Variants in WDR44 observed in about 807,000 individuals in gnomAD.
WDR44 encodes the protein WD repeat domain 44, also known as WD repeat-containing protein 44.
Under a neutral mutation model 65.7 loss-of-function variants are expected in WDR44, and 9 were observed. That is an observed-to-expected ratio of 0.14 (90% CI 0.08 to 0.24). The LOEUF is 0.24. Ranked by LOEUF, WDR44 falls within the 10% of genes least tolerant of loss-of-function variation. The pLI is 1.00. For synonymous variants in WDR44, 220 were observed against 235.2 expected, an observed-to-expected ratio of 0.94 and a Z score of 0.59; for missense variants, 425 against 670.9, an observed-to-expected ratio of 0.63 and a Z score of 4.05.
chrX:118,410,833 T>C, intron 11 of WDR44, 62 bp from the exon 12 acceptor site: 1 of 912,724 alleles, frequency 1.1e-6, no homozygotes, highest in Non-Finnish European at 1.6e-6. Context: ...CTGGATGTTA[T>C]ATTTTGGTGG....
intron 12 of WDR44, 114 bp downstream of exon 12, chrX:118,411,073 TA>T: frequency 1.7e-6 from 1 of 598,422 alleles, no homozygotes; most frequent in Non-Finnish European, 2.5e-6. Context: ...AATATAAAAT[TA>T]AGATGTATCA....
At chrX:118,428,421 C>T (rs377696772) in intron 12 of WDR44, among the ~76,000 whole-genome samples, 15 of 110,942 alleles carry the variant, frequency 1.4e-4, no homozygotes, top group Non-Finnish European at 1.7e-4. Context: ...ATTACAGGGA[C>T]GAACTACCGT....
chrX:118,429,015 A>G (rs1467071652), intron 12 of WDR44, among the ~76,000 whole-genome samples: 1 of 110,529 alleles, frequency 9.0e-6, no homozygotes, highest in Admixed American at 9.7e-5. Flanking sequence ...GAACACATGG[A>G]CACAGGGAGG....
chrX:118,412,552 T>G (rs749493402), intron 12 of WDR44, among the ~76,000 whole-genome samples: 1 of 111,180 alleles, frequency 9.0e-6, no homozygotes, highest in Non-Finnish European at 1.9e-5. Flanking sequence ...AGCTAGAAAC[T>G]GTAAAGATAA....
chrX:118,439,613 T>C (rs1238055110), intron 14 of WDR44, among the ~76,000 whole-genome samples: 2 of 110,879 alleles, frequency 1.8e-5, no homozygotes, highest in African/African-American at 6.6e-5. Flanking sequence ...TACACATACA[T>C]AGATGTATGT....
chrX:118,383,720 C>CTTT (rs531607075), intron 2 of WDR44, among the ~76,000 whole-genome samples: 14 of 84,470 alleles, frequency 1.7e-4, no homozygotes, highest in East Asian at 7.4e-4. Context: ...TCCAAGTATT[C>CTTT]TTTTTTTTTT....
chrX:118,396,957 T>C lies in WDR44; in HGVS notation c.1054-13T>C, dbSNP rs201745341. 4.0e-4 allele frequency: 460 copies of C among 1,158,318 alleles called. 1 individual carries two copies. The highest frequency in any genetic ancestry group is 5.0e-4 in the Non-Finnish European group (438 of 876,172). ...GTCATCTTGGTGTGATTGTTTTTTT[T>C]TTTTAACCTCAGGAAATTTTAGCCA... On this transcript the variant is annotated splice_polypyrimidine_tract_variant and intron_variant, in intron 6 of 19. Transcript: ENST00000254029.
intron 12 of WDR44, among the ~76,000 whole-genome samples, chrX:118,427,650 C>T (rs1252544537): frequency 1.9e-5 from 2 of 108,067 alleles, no homozygotes; most frequent in African/African-American, 3.4e-5. Context: ...TACATCCTCT[C>T]CACCATGAAG....
chrX:118,355,983 T>A (rs2056455014), intron 1 of WDR44, among the ~76,000 whole-genome samples: 1 of 112,089 alleles, frequency 8.9e-6, no homozygotes, highest in Admixed American at 9.5e-5. Context: ...TTATCCTGCA[T>A]TCCTATCAGT....
chrX:118,391,773 C>T (rs763163037), intron 3 of WDR44, among the ~76,000 whole-genome samples: 5 of 111,632 alleles, frequency 4.5e-5, no homozygotes, highest in African/African-American at 1.3e-4. Context: ...CACATGAGGT[C>T]GGGAGTTAAA....
At position 118,393,070 on chromosome X, in the gene WDR44, G is replaced by A. The variant is rs894626185; in HGVS notation, c.625G>A (p.Val209Met). The change falls in exon 4 of 20, where the codon GTG becomes ATG. Residue 209 changes from valine to methionine, a missense_variant. Physicochemically the swap from Val to Met is conservative, Grantham distance 21. Around this residue, in one of 5 missense-constraint regions of WDR44, gnomAD observed 193 missense variants for 209.0 expected, o/e 0.92. Transcript: ENST00000254029. ...TAAAGATTTTGCCGCTGTGGAAGAA[G>A]TGGCCCCTGCCAAACCCCCAAGACA... is the stretch of plus-strand genomic sequence containing the variant. The part of the protein sequence containing the change: ...STKDFAAVEE[V>M]APAKPPRHLT... 1 of 1,210,349 alleles carries A rather than the reference G, an allele frequency of 8.3e-7. No homozygotes were observed. Among genetic ancestry groups the A allele is most frequent in the African/African-American group, 1.7e-5 (1 of 57,267 alleles).
At chrX:118,409,732 T>A (rs1321127597) in intron 11 of WDR44, 105 bp downstream of exon 11, 1 of 835,184 alleles carries the variant, frequency 1.2e-6, no homozygotes, top group Admixed American at 3.4e-5. Context: ...CCACTACTTA[T>A]GATAATAGCC....
intron 1 of WDR44, among the ~76,000 whole-genome samples, chrX:118,362,949 T>G (rs2056523332): frequency 1.8e-5 from 2 of 108,431 alleles, no homozygotes; most frequent in African/African-American, 6.7e-5. Context: ...GGCAGGAGAC[T>G]AGTAGATATA....
chrX:118,407,786 C>A (rs1569372831), intron 10 of WDR44, among the ~76,000 whole-genome samples: 1 of 112,139 alleles, frequency 8.9e-6, no homozygotes, highest in Non-Finnish European at 1.9e-5. Context: ...TGCAATTGCA[C>A]AAACTGTATT....
At chrX:118,441,309 C>T (rs1412707487) in intron 14 of WDR44, 59 bp from the exon 15 acceptor site, 46 of 1,034,794 alleles carry the variant, frequency 4.4e-5, no homozygotes, top group Non-Finnish European at 5.9e-5. Context: ...ATTTGATTTG[C>T]TAATGAGTTT....
At chrX:118,436,509 TGAAATATGGTACTTAACTG>T (rs2057256184) in intron 13 of WDR44, 174 bp from the exon 14 acceptor site, 1 of 533,257 alleles carries the variant, frequency 1.9e-6, no homozygotes, top group African/African-American at 2.3e-5. Context: ...TTAGAATCAG[TGAAATATGGTACTTAACTG>T]TTTGGGGGAA....
chrX:118,387,843 A>T (rs2056784918), intron 3 of WDR44, among the ~76,000 whole-genome samples: 1 of 111,798 alleles, frequency 8.9e-6, no homozygotes, highest in Admixed American at 9.6e-5. Context: ...AGGTTGGTTT[A>T]CTAGAAGAGA....
chrX:118,394,279 T>C, intron 5 of WDR44, 94 bp downstream of exon 5: 1 of 1,124,537 alleles, frequency 8.9e-7, no homozygotes, highest in Non-Finnish European at 1.2e-6. Flanking sequence ...CCAGGCCAGA[T>C]TTTTCTTTGT....
chrX:118,432,703 G>C, intron 12 of WDR44, 78 bp from the exon 13 acceptor site: 1 of 902,747 alleles, frequency 1.1e-6, no homozygotes, highest in South Asian at 2.2e-5. Context: ...ACAAAATGCT[G>C]AGAGAACAGA....
Sources: gnomAD v4.1 joint callset for allele counts (sites outside exome capture counted in the v4.1 genomes callset) on GRCh38, gnomAD v4.1.1 for gene constraint, gnomAD v4.1.1 regional missense constraint, MANE v1.5 for transcripts, NCBI Gene and HGNC (gene_info 2026-07-23, HGNC 2026-07-21) for gene names.